The following CLASP1 variants were observed in gnomAD, a reference collection of about 807,000 sequenced individuals.
The protein encoded by CLASP1 is cytoplasmic linker associated protein 1.
A neutral mutation model predicts 192.3 loss-of-function variants in CLASP1; 38 were observed. The ratio of observed to expected loss-of-function variants is 0.20; its 90% CI spans 0.15 to 0.26. CLASP1 has a LOEUF of 0.26. CLASP1 is among the 10% of genes least tolerant of loss of function. The pLI is 1.00. For synonymous variants in CLASP1, 691 were observed against 712.8 expected (o/e 0.97, Z 0.49); for missense variants, 1,433 against 1,932.5 (o/e 0.74, Z 4.85).
In CLASP1 at chr2:121,387,232, G is replaced by C. The variant is rs531543704; in HGVS notation, c.3268-4C>G. ...CAATCGTATTGCTTGGAGAGCCCTG[G>C]GGTGAAGCAGAATAGGCATCGTTAT... On this transcript the variant is annotated splice_polypyrimidine_tract_variant and splice_region_variant and intron_variant, in intron 31 of 39. Coordinates refer to ENST00000263710, the Ensembl canonical transcript of CLASP1. The C allele has an allele frequency of 1.4e-5, 22 of 1,576,654 alleles. No homozygotes were observed. In the Admixed American group the frequency reaches 3.7e-4, roughly 26 times the overall value.
At chr2:121,553,964 C>T (rs186239995) in intron 2 of CLASP1, among the ~76,000 whole-genome samples, 2 of 151,782 alleles carry the variant, frequency 1.3e-5, no homozygotes, top group East Asian at 1.9e-4. Flanking sequence ...CTGCAATTTC[C>T]GAACTTTGGG....
chr2:121,512,472 G>A (rs1478366246), intron 7 of CLASP1, among the ~76,000 whole-genome samples: 7 of 152,154 alleles, frequency 4.6e-5, no homozygotes. Flanking sequence ...AATAATACAT[G>A]TAAAAACCAT....
chr2:121,575,912 A>G (rs1298872332), intron 2 of CLASP1, among the ~76,000 whole-genome samples: 4 of 152,240 alleles, frequency 2.6e-5, no homozygotes, highest in African/African-American at 9.6e-5. Flanking sequence ...TCCCTACCCA[A>G]CAACAGAGGG....
chr2:121,552,523 G>A (rs1281365095), intron 2 of CLASP1, among the ~76,000 whole-genome samples: 1 of 152,006 alleles, frequency 6.6e-6, no homozygotes, highest in Non-Finnish European at 1.5e-5. Context: ...TAAAATACAG[G>A]CAAAGGACAT....
exon 40 of CLASP1, chr2:121,340,947 T>C (rs2062704349): frequency 6.3e-7 from 1 of 1,595,020 alleles, no homozygotes; most frequent in Non-Finnish European, 8.6e-7. Context: ...AGTAGCTTCA[T>C]CTGAAAAGAG....
chr2:121,632,185 A>G (rs1378387089), intron 1 of CLASP1, among the ~76,000 whole-genome samples: 1 of 152,328 alleles, frequency 6.6e-6, no homozygotes, highest in East Asian at 1.9e-4. Context: ...CAGAGGTTGC[A>G]GTGAGCTGAG....
At chr2:121,366,584 G>A (rs988306023) in intron 35 of CLASP1, among the ~76,000 whole-genome samples, 3 of 152,190 alleles carry the variant, frequency 2.0e-5, no homozygotes, top group African/African-American at 7.2e-5. Context: ...CTGCTCCCCT[G>A]ACAGACCTTG....
At chr2:121,398,727 A>G (rs902124054) in intron 28 of CLASP1, among the ~76,000 whole-genome samples, 1 of 152,142 alleles carries the variant, frequency 6.6e-6, no homozygotes, top group African/African-American at 2.4e-5. Context: ...ACCTTTCTGG[A>G]TATTGCTTAA....
chr2:121,466,040 A>G (rs1240632091), intron 9 of CLASP1, among the ~76,000 whole-genome samples: 1 of 152,192 alleles, frequency 6.6e-6, no homozygotes, highest in Non-Finnish European at 1.5e-5. Context: ...TTAAAAACTT[A>G]AACGTTAGAC....
chr2:121,416,145 T>C (rs2149538656), intron 23 of CLASP1, among the ~76,000 whole-genome samples: 1 of 152,324 alleles, frequency 6.6e-6, no homozygotes, highest in Middle Eastern at 3.4e-3. Flanking sequence ...AAAGTGGTCC[T>C]TTAGTTCAGT....
chr2:121,568,846 A>T (rs535042737), intron 2 of CLASP1, among the ~76,000 whole-genome samples: 1 of 152,092 alleles, frequency 6.6e-6, no homozygotes. Flanking sequence ...CTGCTGAGAC[A>T]CTGGGGAGAC....
chr2:121,492,522 G>A (rs1030297123), intron 8 of CLASP1, among the ~76,000 whole-genome samples: 2 of 151,488 alleles, frequency 1.3e-5, no homozygotes, highest in Non-Finnish European at 2.9e-5. Flanking sequence ...AGTGGACAAA[G>A]GATTTGATTA....
intron 37 of CLASP1, among the ~76,000 whole-genome samples, chr2:121,361,973 A>G (rs1046732145): frequency 6.6e-6 from 1 of 152,228 alleles, no homozygotes; most frequent in African/African-American, 2.4e-5. Context: ...CTGAGCTACA[A>G]TTGTGGTGGA....
In CLASP1 at chr2:121,615,254, G is replaced by A. The variant is rs182478216; in HGVS notation, c.-285-9074C>T. Among the ~76,000 whole-genome samples the A allele has an allele frequency of 2.0e-3, 309 of 152,176 alleles. 1 individual carries two copies. The highest frequency in any genetic ancestry group is 8.9e-3 in the South Asian group (43 of 4,830). On this transcript the variant is annotated intron_variant, in intron 1 of 39. Coordinates refer to ENST00000263710, the Ensembl canonical transcript of CLASP1. ...CTTGGGAGGCTGAGGAAGGAGAATCGCTTGGACCCGGGAGGTGGAGGTTGC... is the reference window on the plus strand; with the variant it reads ...CTTGGGAGGCTGAGGAAGGAGAATCACTTGGACCCGGGAGGTGGAGGTTGC...
chr2:121,457,600 AT>A, intron 14 of CLASP1, 86 bp downstream of exon 14: 1 of 999,754 alleles, frequency 1.0e-6, no homozygotes, highest in Non-Finnish European at 1.6e-6. Flanking sequence ...CATGTTATAC[AT>A]GAAATTTTAT....
intron 8 of CLASP1, among the ~76,000 whole-genome samples, chr2:121,499,902 C>A (rs1028345782): frequency 6.6e-6 from 1 of 152,020 alleles, no homozygotes; most frequent in Non-Finnish European, 1.5e-5. Context: ...CGGCTAATAC[C>A]ATACTTAGCA....
chr2:121,577,572 G>GTAT, intron 2 of CLASP1, among the ~76,000 whole-genome samples: 1 of 152,324 alleles, frequency 6.6e-6, no homozygotes, highest in South Asian at 2.1e-4. Context: ...GGGAGGTAAT[G>GTAT]TATTAGGCAA....
chr2:121,509,703 TG>T (rs2094058046), intron 7 of CLASP1, among the ~76,000 whole-genome samples: 1 of 152,080 alleles, frequency 6.6e-6, no homozygotes, highest in Non-Finnish European at 1.5e-5. Flanking sequence ...CCGGGTGTGG[TG>T]GTATACATCT....
chr2:121,474,953 G>A (rs1353544177), intron 8 of CLASP1, among the ~76,000 whole-genome samples: 1 of 152,202 alleles, frequency 6.6e-6, no homozygotes, highest in Non-Finnish European at 1.5e-5. Context: ...TAAGTGAGCT[G>A]AAGGCCTAAT....
Sources: allele counts gnomAD v4.1 joint callset (sites outside exome capture counted in the v4.1 genomes callset), GRCh38; gene constraint gnomAD v4.1.1; transcripts MANE v1.5; gene names NCBI Gene and HGNC (gene_info 2026-07-23, HGNC 2026-07-21).